GABRB1: variants seen among roughly 807,000 people sequenced by gnomAD.
GABRB1 encodes gamma-aminobutyric acid type A receptor subunit beta1, also known as gamma-aminobutyric acid receptor subunit beta-1.
In GABRB1, 17 loss-of-function variants were observed where a neutral mutation model predicts 51.6. The observed-to-expected ratio is 0.33, with a 90% confidence interval of 0.23 to 0.49. The LOEUF (loss-of-function observed/expected upper bound fraction) is 0.49. GABRB1 is among the 20% of genes least tolerant of loss of function. GABRB1 has a pLI of 0.99. For synonymous variants in GABRB1, 247 were observed against 218.9 expected (o/e 1.13, Z -1.14); for missense variants, 410 against 600.6 (o/e 0.68, Z 3.32).
intron 4 of GABRB1, among the ~76,000 whole-genome samples, chr4:47,219,916 T>G (rs568877914): frequency 2.6e-5 from 4 of 152,032 alleles, no homozygotes; most frequent in African/African-American, 9.6e-5. Context: ...CTTGTCTTCC[T>G]TCCTAAACCT....
intron 8 of GABRB1, among the ~76,000 whole-genome samples, chr4:47,408,366 G>A (rs940301647): frequency 6.6e-6 from 1 of 152,180 alleles, no homozygotes; most frequent in Non-Finnish European, 1.5e-5. Context: ...AAGCAGAGTA[G>A]TGTGAAATGT....
chr4:47,011,928 A>G (rs1053330299), intron 1 of GABRB1, among the ~76,000 whole-genome samples: 14 of 152,208 alleles, frequency 9.2e-5, no homozygotes, highest in Non-Finnish European at 1.8e-4. Flanking sequence ...ATATGATATA[A>G]TAAACATCTA....
intron 3 of GABRB1, among the ~76,000 whole-genome samples, chr4:47,105,296 A>G (rs1415626461): frequency 6.6e-6 from 1 of 152,040 alleles, no homozygotes; most frequent in African/African-American, 2.4e-5. Context: ...AACTTCAGAG[A>G]ATCAATCTCT....
intron 4 of GABRB1, among the ~76,000 whole-genome samples, chr4:47,303,738 C>T (rs1312885082): frequency 2.0e-5 from 3 of 151,896 alleles, no homozygotes; most frequent in East Asian, 3.8e-4. Flanking sequence ...CCCCACATAT[C>T]GTTTTTTAAA....
intron 3 of GABRB1, among the ~76,000 whole-genome samples, chr4:47,064,031 A>T (rs1726952166): frequency 6.6e-6 from 1 of 152,192 alleles, no homozygotes; most frequent in African/African-American, 2.4e-5. Flanking sequence ...ACACATACCC[A>T]TGTATCCCAG....
intron 5 of GABRB1, among the ~76,000 whole-genome samples, chr4:47,327,193 G>T (rs1174852243): frequency 6.6e-6 from 1 of 151,970 alleles, no homozygotes; most frequent in East Asian, 1.9e-4. Context: ...TTATATTCAT[G>T]TTTTAAGACC....
chr4:47,226,042 A>C (rs886584154), intron 4 of GABRB1, among the ~76,000 whole-genome samples: 5 of 152,186 alleles, frequency 3.3e-5, no homozygotes, highest in Non-Finnish European at 5.9e-5. Context: ...GATTATATCC[A>C]TTCATTCATC....
Position 47,214,144 on chromosome 4 carries a change from A to C in GABRB1, c.461+52675A>C, listed in dbSNP as rs777631691. 1.8e-3 allele frequency among the ~76,000 whole-genome samples: 271 copies of C among 152,274 alleles called. 1 individual carries two copies. Among genetic ancestry groups the C allele is most frequent in the Non-Finnish European group, 2.4e-3 (160 of 68,022 alleles). ...AAAGAATAATAGATGGTTGTTCTCC[A>C]TCTGTGGGAATAGTGTCTTAACAGG... On this transcript the variant is annotated intron_variant, in intron 4 of 8. Coordinates refer to ENST00000295454, the MANE Select transcript of GABRB1 (RefSeq NM_000812.4).
intron 1 of GABRB1, among the ~76,000 whole-genome samples, chr4:47,005,948 A>T (rs1251135101): frequency 6.9e-6 from 1 of 145,960 alleles, no homozygotes; most frequent in African/African-American, 2.5e-5. Flanking sequence ...TTATTTTTTT[A>T]TTTACTTAAA....
intron 3 of GABRB1, among the ~76,000 whole-genome samples, chr4:47,087,007 T>A (rs1283393893): frequency 1.3e-5 from 2 of 152,208 alleles, no homozygotes; most frequent in Non-Finnish European, 2.9e-5. Flanking sequence ...CACTGCTTTT[T>A]CCCATTTCAT....
At chr4:47,035,386 T>A (rs1437962019) in intron 3 of GABRB1, among the ~76,000 whole-genome samples, 1 of 152,118 alleles carries the variant, frequency 6.6e-6, no homozygotes, top group African/African-American at 2.4e-5. Flanking sequence ...TTCTAAGCAG[T>A]GAATGCAAAA....
At chr4:47,312,431 ATGTACTCT>A (rs1724726375) in intron 4 of GABRB1, among the ~76,000 whole-genome samples, 1 of 151,930 alleles carries the variant, frequency 6.6e-6, no homozygotes, top group African/African-American at 2.4e-5. Context: ...CAAAAAATCT[ATGTACTCT>A]TTAGTCATAA....
chr4:47,270,602 T>A (rs1481117313), intron 4 of GABRB1, among the ~76,000 whole-genome samples: 1 of 152,232 alleles, frequency 6.6e-6, no homozygotes, highest in African/African-American at 2.4e-5. Flanking sequence ...AATGCAAAGC[T>A]AGGATCATGC....
At chr4:47,228,341 C>A (rs1291751548) in intron 4 of GABRB1, among the ~76,000 whole-genome samples, 1 of 151,988 alleles carries the variant, frequency 6.6e-6, no homozygotes, top group East Asian at 1.9e-4. Flanking sequence ...ATAAGATAGA[C>A]ATTCTTATTC....
chr4:47,288,868 C>T (rs1314577310), intron 4 of GABRB1, among the ~76,000 whole-genome samples: 1 of 152,202 alleles, frequency 6.6e-6, no homozygotes, highest in African/African-American at 2.4e-5. Context: ...AAGCGGTCTA[C>T]CCAGAGTTCA....
intron 8 of GABRB1, among the ~76,000 whole-genome samples, chr4:47,421,575 G>A (rs192361763): frequency 6.6e-5 from 10 of 152,084 alleles, no homozygotes; most frequent in African/African-American, 1.9e-4. Context: ...TATAGATAAG[G>A]GATCTGAGAC....
chr4:47,005,467 T>A (rs1724360660), intron 1 of GABRB1, among the ~76,000 whole-genome samples: 1 of 151,874 alleles, frequency 6.6e-6, no homozygotes, highest in African/African-American at 2.4e-5. Flanking sequence ...GAAGTGACCA[T>A]CCAGTGAGAT....
chr4:47,128,302 A>G (rs1716254067), intron 3 of GABRB1, among the ~76,000 whole-genome samples: 1 of 151,904 alleles, frequency 6.6e-6, no homozygotes, highest in South Asian at 2.1e-4. Flanking sequence ...AAAAGTTCTC[A>G]TCAACTATCT....
chr4:47,087,886 G>A (rs1286288919), intron 3 of GABRB1, among the ~76,000 whole-genome samples: 1 of 152,196 alleles, frequency 6.6e-6, no homozygotes. Context: ...TAGATAGGAA[G>A]TAACAGGCTT....
Sources: allele counts gnomAD v4.1 joint callset (sites outside exome capture counted in the v4.1 genomes callset), GRCh38; gene constraint gnomAD v4.1.1; transcripts MANE v1.5; gene names NCBI Gene and HGNC (gene_info 2026-07-23, HGNC 2026-07-21).